Variants in MSH4 observed in about 807,000 individuals in gnomAD.
The protein encoded by MSH4 is mutS homolog 4, also known as mutS protein homolog 4.
Under a neutral mutation model 113.7 loss-of-function variants are expected in MSH4, and 106 were observed. The observed-to-expected ratio is 0.93, with a 90% CI of 0.80 to 1.10. The LOEUF (loss-of-function observed/expected upper bound fraction) is 1.10, where lower values mean the gene tolerates loss of function less well. MSH4 is among the 50% of genes least tolerant of loss of function. The probability of loss-of-function intolerance (pLI) is 0.00; values close to 1 mark genes in which losing one functional copy is unlikely to be tolerated. For missense variants in MSH4, 1,061 were observed against 1,093.7 expected (o/e 0.97, Z 0.42); for synonymous variants, 368 against 380.2 (o/e 0.97, Z 0.37).
intron 8 of MSH4, among the ~76,000 whole-genome samples, chr1:75,865,682 T>C (rs1651547772): frequency 6.6e-6 from 1 of 152,210 alleles, no homozygotes. Context: ...GCAAGGGAGA[T>C]GTAAACAACT....
chr1:75,883,171 A>AT (rs11368450), intron 14 of MSH4, among the ~76,000 whole-genome samples: 67,959 of 135,518 alleles, frequency 0.5, 17,721 homozygotes, highest in Middle Eastern at 0.62. Context: ...CACCTGGCTA[A>AT]TTTTTTTTTT....
Position 75,883,693 on chromosome 1 carries a change from A to G in MSH4, c.1979A>G (p.Glu660Gly), listed in dbSNP as rs764343688. The G allele has an allele frequency of 1.5e-5, 24 of 1,613,224 alleles. No homozygotes were observed. The highest frequency in any genetic ancestry group is 1.9e-5 in the Non-Finnish European group (22 of 1,179,622). Residue 660 changes from glutamate to glycine, a missense_variant, in exon 15 of 20, where the codon GAA (glutamate) becomes GGA (glycine). Transcript: ENST00000263187. ...WHPILEKISA[E>G]KPIANNTYVT... Reference sequence around the variant, plus strand: ...CCTATTCTTGAAAAAATATCTGCGGAAAAACCTATTGCCAACAATACCTAT... The same window carrying G: ...CCTATTCTTGAAAAAATATCTGCGGGAAAACCTATTGCCAACAATACCTAT...
At chr1:75,908,055 G>C (rs1453349811) in intron 19 of MSH4, among the ~76,000 whole-genome samples, 1 of 150,198 alleles carries the variant, frequency 6.7e-6, no homozygotes, top group Non-Finnish European at 1.5e-5. Flanking sequence ...CTTTTTTGGA[G>C]AGCCTCTGTA....
intron 1 of MSH4, among the ~76,000 whole-genome samples, chr1:75,803,117 C>T (rs955730536): frequency 4.6e-5 from 7 of 152,124 alleles, no homozygotes; most frequent in East Asian, 1.9e-4. Context: ...ATGTAAGTTT[C>T]AGAGGGGACA....
Position 75,912,012 on chromosome 1 carries a change from C to T in MSH4, c.2620-684C>T, listed in dbSNP as rs140745241. 4.6e-5 allele frequency among the ~76,000 whole-genome samples: 7 copies of T among 152,204 alleles called. 1 individual carries two copies. The highest frequency in any genetic ancestry group is 1.7e-4 in the African/African-American group (7 of 41,546). Reference sequence around the variant, plus strand: ...TATTCAAGACCAAGCATCTAAAGGACTTCTACATTCCTGTTTTACATATTA... The same window carrying T: ...TATTCAAGACCAAGCATCTAAAGGATTTCTACATTCCTGTTTTACATATTA... On this transcript the variant is annotated intron_variant, in intron 19 of 19. Coordinates refer to ENST00000263187, the MANE Select transcript of MSH4 (RefSeq NM_002440.4).
At chr1:75,874,304 C>T (rs1651771632) in intron 9 of MSH4, among the ~76,000 whole-genome samples, 1 of 152,110 alleles carries the variant, frequency 6.6e-6, no homozygotes, top group Non-Finnish European at 1.5e-5. Flanking sequence ...GAACAGCGTG[C>T]TAGCATCAGT....
intron 10 of MSH4, 84 bp from the exon 11 acceptor site, chr1:75,878,065 A>G (rs1570983122): frequency 9.8e-7 from 1 of 1,018,720 alleles, no homozygotes; most frequent in Non-Finnish European, 1.4e-6. Context: ...AAAATTTGCT[A>G]TCATCAATTG....
chr1:75,820,456 T>A (rs1650385778), intron 6 of MSH4, among the ~76,000 whole-genome samples: 1 of 152,192 alleles, frequency 6.6e-6, no homozygotes, highest in East Asian at 1.9e-4. Flanking sequence ...TCCTGGACAT[T>A]TTTTGGTTGG....
At chr1:75,848,910 G>A (rs1651131627) in intron 8 of MSH4, among the ~76,000 whole-genome samples, 1 of 152,054 alleles carries the variant, frequency 6.6e-6, no homozygotes, top group Non-Finnish European at 1.5e-5. Context: ...ATCATTATGT[G>A]AAGTTTGATT....
At chr1:75,797,923 GAC>G (rs1300098916) in intron 1 of MSH4, among the ~76,000 whole-genome samples, 1 of 152,176 alleles carries the variant, frequency 6.6e-6, no homozygotes, top group African/African-American at 2.4e-5. Flanking sequence ...CAGCCTGGGT[GAC>G]ACAGTGAGAC....
At chr1:75,822,674 A>G in intron 7 of MSH4, 93 bp downstream of exon 7, 1 of 637,372 alleles carries the variant, frequency 1.6e-6, no homozygotes, top group Non-Finnish European at 2.4e-6. Context: ...ACAAGTAGTG[A>G]AGGTGTTAAT....
intron 15 of MSH4, among the ~76,000 whole-genome samples, chr1:75,886,438 T>A (rs1412066362): frequency 8.9e-6 from 1 of 112,178 alleles, no homozygotes; most frequent in Non-Finnish European, 1.6e-5. Flanking sequence ...TATTATATAT[T>A]ATATATAATA....
chr1:75,828,960 G>T (rs1409172890), intron 7 of MSH4, among the ~76,000 whole-genome samples: 1 of 152,070 alleles, frequency 6.6e-6, no homozygotes, highest in Non-Finnish European at 1.5e-5. Flanking sequence ...TCAGACAGTG[G>T]GTACAGCCCA....
chr1:75,857,889 T>C (rs1651355200), intron 8 of MSH4, among the ~76,000 whole-genome samples: 1 of 152,238 alleles, frequency 6.6e-6, no homozygotes, highest in Admixed American at 6.5e-5. Context: ...TGATTCTTCT[T>C]ATCCATGAGC....
At chr1:75,855,485 A>T (rs1433422398) in intron 8 of MSH4, among the ~76,000 whole-genome samples, 1 of 152,208 alleles carries the variant, frequency 6.6e-6, no homozygotes, top group Non-Finnish European at 1.5e-5. Context: ...CCTGTAGGGG[A>T]ATCCTTTCTT....
chr1:75,899,944 T>A (rs906500163), intron 19 of MSH4, among the ~76,000 whole-genome samples: 1 of 151,646 alleles, frequency 6.6e-6, no homozygotes, highest in Non-Finnish European at 1.5e-5. Flanking sequence ...AATTAAACAG[T>A]TTAGTTTATA....
chr1:75,908,331 A>G (rs1652714581), intron 19 of MSH4, among the ~76,000 whole-genome samples: 1 of 151,794 alleles, frequency 6.6e-6, no homozygotes, highest in Admixed American at 6.6e-5. Flanking sequence ...TTTTTAGTAG[A>G]AATGGAGTTT....
At chr1:75,815,520 C>G (rs1452396064) in intron 5 of MSH4, among the ~76,000 whole-genome samples, 1 of 152,156 alleles carries the variant, frequency 6.6e-6, no homozygotes, top group Non-Finnish European at 1.5e-5. Context: ...ACAGGTAAAG[C>G]TGTGTTCCTG....
rs1001774391 is a variant in MSH4 at position 75,854,173 on chromosome 1, C to G, written c.1230+5897C>G. The stretch of plus-strand genomic sequence containing the variant: ...TTTCTCTCTTTCCATATTAGTAACT[C>G]TCTTCTCTGTCAATGAAAAACCTGA... On this transcript the variant is annotated intron_variant, in intron 8 of 19. Coordinates refer to ENST00000263187, the MANE Select transcript of MSH4 (RefSeq NM_002440.4). 4.0e-5 allele frequency among the ~76,000 whole-genome samples: 6 copies of G among 151,668 alleles called. No individual in the cohort carries two copies. The East Asian group carries it at 1.2e-3, about 29-fold the overall frequency.
Sources: allele counts gnomAD v4.1 joint callset (sites outside exome capture counted in the v4.1 genomes callset), GRCh38; gene constraint gnomAD v4.1.1; transcripts MANE v1.5; gene names NCBI Gene and HGNC (gene_info 2026-07-23, HGNC 2026-07-21).